The following LSAMP variants were observed in gnomAD, a reference collection of about 807,000 sequenced individuals.
LSAMP encodes limbic system associated membrane protein.
LSAMP carries 7 observed loss-of-function variants against 38.6 expected under a neutral mutation model. The observed-to-expected ratio is 0.18, with a 90% CI of 0.10 to 0.34. LSAMP has a LOEUF of 0.34. LSAMP is among the 10% of genes least tolerant of loss of function. The pLI is 1.00. For missense variants in LSAMP, 313 were observed against 420.0 expected, an observed-to-expected ratio of 0.75 and a Z score of 2.23; for synonymous variants, 154 against 166.8, an observed-to-expected ratio of 0.92 and a Z score of 0.59.
intron 3 of LSAMP, among the ~76,000 whole-genome samples, chr3:115,962,636 T>C (rs1938666479): frequency 6.6e-6 from 1 of 152,224 alleles, no homozygotes; most frequent in African/African-American, 2.4e-5. Flanking sequence ...GGTAAATTGC[T>C]ACATATACAT....
chr3:115,994,769 G>A (rs1253608005), intron 3 of LSAMP, among the ~76,000 whole-genome samples: 2 of 151,982 alleles, frequency 1.3e-5, no homozygotes, highest in African/African-American at 4.8e-5. Context: ...TTTTCTTTTC[G>A]CTTTAATCTG....
chr3:116,030,829 T>A (rs1034605279), intron 2 of LSAMP, among the ~76,000 whole-genome samples: 4 of 152,168 alleles, frequency 2.6e-5, no homozygotes, highest in African/African-American at 9.7e-5. Flanking sequence ...CATGGTATAA[T>A]TCTTAGAGCA....
chr3:116,023,344 C>T (rs1576314454), intron 2 of LSAMP, among the ~76,000 whole-genome samples: 1 of 151,664 alleles, frequency 6.6e-6, no homozygotes, highest in African/African-American at 2.4e-5. Flanking sequence ...CCTGTAATCC[C>T]AGCACTTTGG....
intron 1 of LSAMP, among the ~76,000 whole-genome samples, chr3:116,310,064 C>T (rs1385633892): frequency 1.3e-5 from 2 of 152,132 alleles, no homozygotes; most frequent in Non-Finnish European, 2.9e-5. Context: ...CAGTCCAACA[C>T]ACATTTCCCC....
At chr3:116,128,684 C>T (rs950426228) in intron 1 of LSAMP, among the ~76,000 whole-genome samples, 1 of 152,184 alleles carries the variant, frequency 6.6e-6, no homozygotes, top group Non-Finnish European at 1.5e-5. Flanking sequence ...TGTCACTATA[C>T]TTGAAATCTG....
At chr3:116,227,158 A>T (rs1031717525) in intron 1 of LSAMP, among the ~76,000 whole-genome samples, 2 of 152,108 alleles carry the variant, frequency 1.3e-5, no homozygotes, top group Non-Finnish European at 2.9e-5. Context: ...ACCATTACTA[A>T]CATTTTCAAG....
intron 1 of LSAMP, among the ~76,000 whole-genome samples, chr3:116,113,633 G>T (rs1306257408): frequency 6.6e-6 from 1 of 151,264 alleles, no homozygotes; most frequent in Admixed American, 6.6e-5. Flanking sequence ...CACTGTTTTA[G>T]CCAGGATGGT....
chr3:116,317,548 A>G (rs1017108004), intron 1 of LSAMP, among the ~76,000 whole-genome samples: 6 of 151,488 alleles, frequency 4.0e-5, no homozygotes, highest in Admixed American at 2.0e-4. Flanking sequence ...GTAGAGACGG[A>G]GTTTCACCGT....
At chr3:115,977,258 T>A (rs1263042197) in intron 3 of LSAMP, among the ~76,000 whole-genome samples, 2 of 152,176 alleles carry the variant, frequency 1.3e-5, no homozygotes, top group South Asian at 2.1e-4. Context: ...TTATGCTCAA[T>A]GTAGAAAAGA....
At chr3:116,377,238 C>T (rs1180287716) in intron 1 of LSAMP, among the ~76,000 whole-genome samples, 1 of 151,970 alleles carries the variant, frequency 6.6e-6, no homozygotes, top group African/African-American at 2.4e-5. Flanking sequence ...CCCAACCCCA[C>T]CCTTCAACAG....
chr3:116,225,753 G>GTT (rs5852000), intron 1 of LSAMP, among the ~76,000 whole-genome samples: 27 of 146,748 alleles, frequency 1.8e-4, no homozygotes, highest in Admixed American at 1.2e-3. Context: ...GTATATTATT[G>GTT]TTTTTTTTTT....
In LSAMP at chr3:115,885,236, T is replaced by C. The variant is rs562725172; in HGVS notation, c.515-32619A>G. On this transcript the variant is annotated intron_variant, in intron 3 of 6. Transcript: ENST00000490035. ...CAGAATTTGCGTTTGTCTGTTCCTG[T>C]CCTTCAGTGTTTCATTCCTCTTTAG... is the stretch of plus-strand genomic sequence containing the variant. Among the ~76,000 whole-genome samples the C allele has an allele frequency of 1.4e-4, 22 of 152,142 alleles. 1 individual carries two copies. Among genetic ancestry groups the C allele is most frequent in the African/African-American group, 5.3e-4 (22 of 41,550 alleles).
intron 3 of LSAMP, among the ~76,000 whole-genome samples, chr3:115,913,227 CTG>C (rs1559878375): frequency 2.0e-5 from 3 of 152,180 alleles, no homozygotes; most frequent in Admixed American, 1.3e-4. Flanking sequence ...GAGAAAAAAA[CTG>C]GTCTTTATCA....
intron 3 of LSAMP, among the ~76,000 whole-genome samples, chr3:115,910,019 C>T (rs1937100309): frequency 6.6e-6 from 1 of 152,132 alleles, no homozygotes; most frequent in South Asian, 2.1e-4. Context: ...TGTTGTTGGT[C>T]TCAATCATAA....
intron 3 of LSAMP, among the ~76,000 whole-genome samples, chr3:115,952,909 T>C (rs1938338581): frequency 6.6e-6 from 1 of 152,226 alleles, no homozygotes; most frequent in Admixed American, 6.5e-5. Context: ...TGAATGCTTA[T>C]TGTATACTGT....
intron 1 of LSAMP, among the ~76,000 whole-genome samples, chr3:116,265,488 C>T (rs1363431882): frequency 3.9e-5 from 6 of 152,238 alleles, no homozygotes; most frequent in East Asian, 1.9e-4. Context: ...AATTCGATAG[C>T]GTATACCCTG....
At chr3:116,079,482 GTC>G (rs1449237896) in intron 2 of LSAMP, among the ~76,000 whole-genome samples, 5 of 152,118 alleles carry the variant, frequency 3.3e-5, no homozygotes, top group African/African-American at 1.2e-4. Flanking sequence ...TGAAACCCCT[GTC>G]TCTACTAAAA....
chr3:116,194,377 TTTTGTTTGTTTG>T lies in LSAMP; in HGVS notation c.156-107833_156-107822del, dbSNP rs138140039. Among the ~76,000 whole-genome samples the T allele has an allele frequency of 1.8e-4, 27 of 151,226 alleles. No individual in the cohort carries two copies. In the Middle Eastern group the frequency reaches 0.014, roughly 77 times the overall value. On this transcript the variant is annotated intron_variant, in intron 1 of 6. Coordinates refer to ENST00000490035, the MANE Select transcript of LSAMP (RefSeq NM_002338.5). ...TGCAGTACTGATGTGGGGAATTGTT[TTTTGTTTGTTTG>T]TTTGTTTGTTTGTTTGTTTGTTTGA...
At position 115,841,982 on chromosome 3, in the gene LSAMP, G is replaced by A. The variant is rs1935011684; in HGVS notation, c.782C>T (p.Ala261Val). 1.9e-6 allele frequency: 3 copies of A among 1,611,992 alleles called. No homozygotes were observed. The highest frequency in any genetic ancestry group is 2.5e-6 in the Non-Finnish European group (3 of 1,179,658). Residue 261 changes from alanine (A) to valine (V), a missense_variant, in exon 6 of 7, where the codon GCC (alanine) becomes GTC (valine). By Grantham distance (64) the Ala-to-Val change is moderately conservative. Transcript: ENST00000490035. ...CGTGCTCTTAATCTCAAGGCCATTGGCACTATTTATCCTAAGAGTTCAAAA... is the reference window on the plus strand; with the variant it reads ...CGTGCTCTTAATCTCAAGGCCATTGACACTATTTATCCTAAGAGTTCAAAA... ...WYRDDTRINS[A>V]NGLEIKSTEG... is the part of the protein sequence containing the mutation.
Sources: allele counts gnomAD v4.1 joint callset (sites outside exome capture counted in the v4.1 genomes callset), GRCh38; gene constraint gnomAD v4.1.1; transcripts MANE v1.5; gene names NCBI Gene and HGNC (gene_info 2026-07-23, HGNC 2026-07-21).